The following NSMCE2 variants were observed in gnomAD, a reference collection of about 807,000 sequenced individuals.
The protein encoded by NSMCE2 is NSE2 SUMO ligase component of SMC5/6 complex.
In NSMCE2, 24 loss-of-function variants were observed where a neutral mutation model predicts 23.8. That is an observed-to-expected ratio of 1.01 (90% CI 0.73 to 1.42). The LOEUF (loss-of-function observed/expected upper bound fraction) is 1.42. Among genes scored for constraint, NSMCE2 ranks in the 40% most tolerant of loss-of-function variants. NSMCE2 has a pLI of 0.00. For synonymous variants in NSMCE2, 92 were observed against 94.1 expected, an observed-to-expected ratio of 0.98 and a Z score of 0.13; for missense variants, 284 against 296.5, an observed-to-expected ratio of 0.96 and a Z score of 0.31.
intron 5 of NSMCE2, among the ~76,000 whole-genome samples, chr8:125,340,346 T>G (rs1830205612): frequency 6.6e-6 from 1 of 152,244 alleles, no homozygotes; most frequent in South Asian, 2.1e-4. Context: ...GCCAATGCTC[T>G]TTACCGTTTA....
At chr8:125,320,996 G>A (rs547400167) in intron 5 of NSMCE2, among the ~76,000 whole-genome samples, 4 of 151,966 alleles carry the variant, frequency 2.6e-5, no homozygotes, top group Admixed American at 2.0e-4. Context: ...GAGGGGCTAC[G>A]CACTTTTCAA....
intron 5 of NSMCE2, among the ~76,000 whole-genome samples, chr8:125,339,842 A>C (rs1356908017): frequency 6.6e-6 from 1 of 151,684 alleles, no homozygotes; most frequent in Non-Finnish European, 1.5e-5. Context: ...GTCTATTTCA[A>C]CCCCATCCTC....
At position 125,296,306 on chromosome 8, in the gene NSMCE2, A is replaced by G. The variant is rs191351315; in HGVS notation, c.419-60913A>G. Among the ~76,000 whole-genome samples, 3 of 152,102 alleles carry G rather than the reference A, an allele frequency of 2.0e-5. No homozygotes were observed. In the East Asian group the frequency reaches 5.8e-4, roughly 29 times the overall value. ...ACTATGTTTGTAAGAGAGAGAGAAT[A>G]TGCATGAATGAATGAGAGAGAGCAT... On this transcript the variant is annotated intron_variant, in intron 5 of 7. Transcript: ENST00000287437.
intron 5 of NSMCE2, among the ~76,000 whole-genome samples, chr8:125,306,667 C>G (rs547520432): frequency 6.6e-6 from 1 of 152,280 alleles, no homozygotes; most frequent in African/African-American, 2.4e-5. Flanking sequence ...TCATATTGCA[C>G]AGTGAATAAC....
chr8:125,360,411 G>A (rs978566571), intron 7 of NSMCE2, among the ~76,000 whole-genome samples: 1 of 152,170 alleles, frequency 6.6e-6, no homozygotes, highest in African/African-American at 2.4e-5. Flanking sequence ...GGCAGGACCC[G>A]CACCTCGCCT....
At chr8:125,156,461 T>G (rs1021803279) in intron 4 of NSMCE2, among the ~76,000 whole-genome samples, 3 of 152,200 alleles carry the variant, frequency 2.0e-5, no homozygotes, top group Admixed American at 1.3e-4. Context: ...CAGCTACATA[T>G]TTGTTTTTTT....
chr8:125,305,010 A>C (rs1828705244), intron 5 of NSMCE2, among the ~76,000 whole-genome samples: 1 of 151,914 alleles, frequency 6.6e-6, no homozygotes, highest in African/African-American at 2.4e-5. Context: ...AAGGAAGGAA[A>C]GAAAGAAGGA....
At chr8:125,266,687 C>G (rs1249601794) in intron 5 of NSMCE2, among the ~76,000 whole-genome samples, 1 of 152,072 alleles carries the variant, frequency 6.6e-6, no homozygotes, top group Non-Finnish European at 1.5e-5. Context: ...AATTTCAGAT[C>G]CAGTATACCT....
chr8:125,103,481 G>A (rs970458102), intron 3 of NSMCE2, among the ~76,000 whole-genome samples: 8 of 151,974 alleles, frequency 5.3e-5, no homozygotes, highest in African/African-American at 1.7e-4. Flanking sequence ...GACTGATATT[G>A]TTTGAGATTT....
chr8:125,334,243 G>T (rs990740803), intron 5 of NSMCE2, among the ~76,000 whole-genome samples: 1 of 152,168 alleles, frequency 6.6e-6, no homozygotes, highest in African/African-American at 2.4e-5. Flanking sequence ...GCAGCTGTCT[G>T]TGCCTCACTG....
chr8:125,175,072 GAAAGC>G (rs1822414555), intron 4 of NSMCE2, among the ~76,000 whole-genome samples: 1 of 152,156 alleles, frequency 6.6e-6, no homozygotes. Flanking sequence ...TATACCCAGT[GAAAGC>G]ATGATGATTC....
At position 125,337,871 on chromosome 8, in the gene NSMCE2, C is replaced by T. The variant is rs184007809; in HGVS notation, c.419-19348C>T. Among the ~76,000 whole-genome samples the T allele has an allele frequency of 6.1e-3, 723 of 117,612 alleles. 5 individuals carry two copies. The highest frequency in any genetic ancestry group is 0.011 in the Admixed American group (93 of 8,308). The allele number at this position is 117,612 out of a possible 152,430, so 77.2% of individuals were successfully genotyped here. On this transcript the variant is annotated intron_variant, in intron 5 of 7. Coordinates refer to ENST00000287437, the MANE Select transcript of NSMCE2 (RefSeq NM_173685.4). ...GATCGCACCATTGCCTGGGCAAGAG[C>T]GAAACTCTATCTCAAAAAAAAAAAA...
intron 5 of NSMCE2, among the ~76,000 whole-genome samples, chr8:125,344,797 GT>G (rs976104626): frequency 6.6e-6 from 1 of 151,610 alleles, no homozygotes; most frequent in South Asian, 2.1e-4. Context: ...TTTAATTTCA[GT>G]TTTTTCACCT....
At chr8:125,343,141 A>T (rs1830306214) in intron 5 of NSMCE2, among the ~76,000 whole-genome samples, 1 of 152,158 alleles carries the variant, frequency 6.6e-6, no homozygotes, top group South Asian at 2.1e-4. Flanking sequence ...GCGCTGAGTA[A>T]ATCCTATGGG....
intron 5 of NSMCE2, among the ~76,000 whole-genome samples, chr8:125,352,637 G>T (rs1240873725): frequency 6.6e-6 from 1 of 152,104 alleles, no homozygotes; most frequent in East Asian, 1.9e-4. Flanking sequence ...TATCTCAATT[G>T]TCTCAGGTAA....
intron 5 of NSMCE2, among the ~76,000 whole-genome samples, chr8:125,318,289 C>T (rs890047445): frequency 6.6e-6 from 1 of 152,068 alleles, no homozygotes; most frequent in African/African-American, 2.4e-5. Flanking sequence ...GTAGTCCCAG[C>T]TACTTAGTAG....
At chr8:125,255,390 A>G (rs1048307490) in intron 5 of NSMCE2, among the ~76,000 whole-genome samples, 1 of 152,208 alleles carries the variant, frequency 6.6e-6, no homozygotes, top group African/African-American at 2.4e-5. Flanking sequence ...AGTGATATTT[A>G]CTACGTATCA....
At chr8:125,278,060 G>C (rs1002936451) in intron 5 of NSMCE2, among the ~76,000 whole-genome samples, 29 of 152,020 alleles carry the variant, frequency 1.9e-4, no homozygotes, top group African/African-American at 6.3e-4. Flanking sequence ...AAACTGTCTG[G>C]GTCCAAAATG....
At chr8:125,298,781 G>A (rs962036980) in intron 5 of NSMCE2, among the ~76,000 whole-genome samples, 1 of 145,306 alleles carries the variant, frequency 6.9e-6, no homozygotes, top group Non-Finnish European at 1.5e-5. Flanking sequence ...TCACCAGTTT[G>A]AGACTCATGT....
Sources: gnomAD v4.1 joint callset for allele counts (sites outside exome capture counted in the v4.1 genomes callset) on GRCh38, gnomAD v4.1.1 for gene constraint, MANE v1.5 for transcripts, NCBI Gene and HGNC (gene_info 2026-07-23, HGNC 2026-07-21) for gene names.